Variants in AGBL4 observed in about 807,000 individuals in gnomAD.
AGBL4 encodes the protein cytosolic carboxypeptidase 6.
AGBL4 carries 58 observed loss-of-function variants against 66.4 expected under a neutral mutation model. The ratio of observed to expected loss-of-function variants is 0.87; its 90% confidence interval spans 0.71 to 1.09. AGBL4 has a LOEUF of 1.09. AGBL4 is among the 50% of genes least tolerant of loss of function. AGBL4 has a pLI of 0.00. For synonymous variants in AGBL4, 234 were observed against 222.9 expected (o/e 1.05, Z -0.44); for missense variants, 579 against 631.0 (o/e 0.92, Z 0.88).
In AGBL4 at chr1:48,987,241, A is replaced by T. The variant is rs1660250461; in HGVS notation, c.594+58343T>A. On this transcript the variant is annotated intron_variant, in intron 5 of 13. Coordinates refer to ENST00000371839, the MANE Select transcript of AGBL4 (RefSeq NM_032785.4). ...TAAAAATCAGAGATTTACAGATTAGATAACAAAGCATGGTCAAATTTATTA... is the reference window on the plus strand; with the variant it reads ...TAAAAATCAGAGATTTACAGATTAGTTAACAAAGCATGGTCAAATTTATTA... Among the ~76,000 whole-genome samples, 3 of 152,140 alleles carry T rather than the reference A, an allele frequency of 2.0e-5. No homozygotes were observed. In the South Asian group the frequency reaches 6.2e-4, roughly 32 times the overall value.
chr1:49,802,870 C>A (rs1450511032), intron 2 of AGBL4, among the ~76,000 whole-genome samples: 1 of 152,108 alleles, frequency 6.6e-6, no homozygotes, highest in Non-Finnish European at 1.5e-5. Context: ...AATCTTCTAC[C>A]AATATGTCTG....
chr1:49,364,306 C>G (rs1644200682), intron 3 of AGBL4, among the ~76,000 whole-genome samples: 1 of 152,114 alleles, frequency 6.6e-6, no homozygotes, highest in Non-Finnish European at 1.5e-5. Context: ...CACTCCAATT[C>G]CAGCTAAACC....
chr1:49,729,078 G>C (rs1649240278), intron 2 of AGBL4, among the ~76,000 whole-genome samples: 2 of 152,128 alleles, frequency 1.3e-5, no homozygotes, highest in South Asian at 4.1e-4. Flanking sequence ...CCTTATCTAA[G>C]AGCTGTCAAT....
chr1:48,691,200 T>C (rs993670111), intron 6 of AGBL4, among the ~76,000 whole-genome samples: 36 of 149,052 alleles, frequency 2.4e-4, no homozygotes, highest in East Asian at 1.2e-3. Context: ...TATATATATA[T>C]ATTACATATA....
chr1:49,771,733 CATAAT>C (rs1463017922), intron 2 of AGBL4, among the ~76,000 whole-genome samples: 3 of 152,018 alleles, frequency 2.0e-5, no homozygotes, highest in Non-Finnish European at 4.4e-5. Flanking sequence ...CTCCCTTTAT[CATAAT>C]ATAATGACTT....
intron 7 of AGBL4, among the ~76,000 whole-genome samples, chr1:48,662,439 C>T (rs1186335428): frequency 6.6e-6 from 1 of 152,194 alleles, no homozygotes; most frequent in Non-Finnish European, 1.5e-5. Flanking sequence ...ATAGAACCTA[C>T]ACAGGCGTTT....
intron 2 of AGBL4, among the ~76,000 whole-genome samples, chr1:49,763,310 T>C (rs1652481489): frequency 6.6e-6 from 1 of 152,224 alleles, no homozygotes; most frequent in South Asian, 2.1e-4. Flanking sequence ...GGTAGTGTGA[T>C]TCCCCCAGCT....
intron 2 of AGBL4, among the ~76,000 whole-genome samples, chr1:49,778,006 T>C (rs1379915451): frequency 6.6e-6 from 1 of 152,164 alleles, no homozygotes; most frequent in Non-Finnish European, 1.5e-5. Flanking sequence ...CCAGCTCTCA[T>C]CTAGTTTCAC....
rs188370477 is a variant in AGBL4 at position 49,027,149 on chromosome 1, G to A, written c.594+18435C>T. ...ATACCTTCTTCCCAGCAAAACAACC[G>A]TTTAACTGCTAATTTTTTTTTCTTT... On this transcript the variant is annotated intron_variant, in intron 5 of 13. Transcript: ENST00000371839. 7.2e-5 allele frequency among the ~76,000 whole-genome samples: 11 copies of A among 152,074 alleles called. No homozygotes were observed. The East Asian group carries it at 1.4e-3, about 19-fold the overall frequency.
intron 3 of AGBL4, among the ~76,000 whole-genome samples, chr1:49,502,639 A>G (rs1648273263): frequency 6.6e-6 from 1 of 152,112 alleles, no homozygotes; most frequent in Non-Finnish European, 1.5e-5. Context: ...GCTGATAGAA[A>G]TATGGACAAT....
intron 4 of AGBL4, among the ~76,000 whole-genome samples, chr1:49,227,313 G>A (rs568212835): frequency 1.1e-4 from 16 of 152,224 alleles, no homozygotes; most frequent in African/African-American, 3.6e-4. Context: ...ATGATAACAT[G>A]TAGATAGGAT....
At chr1:48,809,988 A>G (rs72890050) in intron 6 of AGBL4, among the ~76,000 whole-genome samples, 1,580 of 152,262 alleles carry the variant, frequency 0.01, 24 homozygotes, top group African/African-American at 0.035. Context: ...AGTGCAGGAA[A>G]TCTAAGGAGC....
intron 5 of AGBL4, among the ~76,000 whole-genome samples, chr1:49,001,528 A>G (rs1661393214): frequency 6.6e-6 from 1 of 152,126 alleles, no homozygotes; most frequent in Non-Finnish European, 1.5e-5. Context: ...GCTTCTCATC[A>G]CTATGGGTAA....
intron 11 of AGBL4, among the ~76,000 whole-genome samples, chr1:48,570,966 C>G (rs1238340306): frequency 6.6e-6 from 1 of 152,186 alleles, no homozygotes; most frequent in Admixed American, 6.5e-5. Context: ...AATCAGATGG[C>G]CTCCCAACCA....
At chr1:49,263,791 C>T (rs1235456134) in intron 3 of AGBL4, among the ~76,000 whole-genome samples, 2 of 152,056 alleles carry the variant, frequency 1.3e-5, no homozygotes, top group Admixed American at 1.3e-4. Context: ...ATGTGTTCTC[C>T]TTAAACAAAT....
chr1:48,788,619 C>A (rs1645464734), intron 6 of AGBL4, among the ~76,000 whole-genome samples: 1 of 152,110 alleles, frequency 6.6e-6, no homozygotes, highest in African/African-American at 2.4e-5. Context: ...CTATGTTATG[C>A]CTTTCTGTTT....
chr1:49,966,462 A>G (rs1202890705), intron 1 of AGBL4, among the ~76,000 whole-genome samples: 2 of 152,164 alleles, frequency 1.3e-5, no homozygotes, highest in East Asian at 3.9e-4. Flanking sequence ...CTATCCTGCT[A>G]TTATTCCTTT....
chr1:48,865,513 G>A (rs1460628669), intron 6 of AGBL4, among the ~76,000 whole-genome samples: 1 of 152,032 alleles, frequency 6.6e-6, no homozygotes, highest in Non-Finnish European at 1.5e-5. Flanking sequence ...ACATCTAAGA[G>A]GAGGGATAAT....
chr1:48,917,235 A>G (rs1653663933), intron 5 of AGBL4, among the ~76,000 whole-genome samples: 1 of 151,908 alleles, frequency 6.6e-6, no homozygotes, highest in African/African-American at 2.4e-5. Context: ...TAATTTATTT[A>G]AAATTATTAT....
Sources: allele counts gnomAD v4.1 joint callset (sites outside exome capture counted in the v4.1 genomes callset), GRCh38; gene constraint gnomAD v4.1.1; transcripts MANE v1.5; gene names NCBI Gene and HGNC (gene_info 2026-07-23, HGNC 2026-07-21).